CDK17: variants seen among roughly 807,000 people sequenced by gnomAD.
CDK17 encodes the protein cyclin dependent kinase 17.
In CDK17, 24 loss-of-function variants were observed where a neutral mutation model predicts 77.6. The observed-to-expected ratio is 0.31, with a 90% CI of 0.22 to 0.44. CDK17 has a LOEUF of 0.44. CDK17 is among the 20% of genes least tolerant of loss of function. CDK17 has a pLI of 1.00. For missense variants in CDK17, 429 were observed against 622.5 expected (o/e 0.69, Z 3.31); for synonymous variants, 203 against 210.4 (o/e 0.96, Z 0.30).
At chr12:96,365,889 T>A (rs1173229242) in intron 1 of CDK17, among the ~76,000 whole-genome samples, 2 of 152,172 alleles carry the variant, frequency 1.3e-5, no homozygotes, top group African/African-American at 4.8e-5. Context: ...AAAAAAAAGT[T>A]TTTATTTTTA....
intron 1 of CDK17, chr12:96,335,326 C>A (rs1292248208): frequency 5.0e-5 from 12 of 240,186 alleles, no homozygotes; most frequent in Non-Finnish European, 9.9e-5. Context: ...ACAGCTCCAA[C>A]AAGAAATTTT....
intron 2 of CDK17, among the ~76,000 whole-genome samples, chr12:96,329,242 G>A (rs1952934243): frequency 6.6e-6 from 1 of 152,076 alleles, no homozygotes. Flanking sequence ...AATGTAAATA[G>A]ACACGTATTT....
At position 96,315,542 on chromosome 12, in the gene CDK17, G is replaced by A. The variant is rs562632403; in HGVS notation, c.284-2088C>T. On this transcript the variant is annotated intron_variant, in intron 3 of 16. Transcript: ENST00000261211. ...TGGTATATAACACATCTAAGGTCCTGTATTCATTTCTGTCACACCTTCAAA... is the reference window on the plus strand; with the variant it reads ...TGGTATATAACACATCTAAGGTCCTATATTCATTTCTGTCACACCTTCAAA... Among the ~76,000 whole-genome samples the A allele has an allele frequency of 3.9e-5, 6 of 152,276 alleles. No homozygotes were observed. In the East Asian group the frequency reaches 1.2e-3, roughly 29 times the overall value.
chr12:96,316,654 C>A (rs1210437852), intron 3 of CDK17, among the ~76,000 whole-genome samples: 1 of 130,634 alleles, frequency 7.7e-6, no homozygotes, highest in Non-Finnish European at 1.6e-5. Flanking sequence ...GACCCCCTGA[C>A]CCCCGAGCAG....
chr12:96,286,423 C>A lies in CDK17; in HGVS notation c.1216+241G>T, dbSNP rs535719230. On this transcript the variant is annotated intron_variant, in intron 12 of 16. Transcript: ENST00000261211. ...ATATTCCTTAATAATATGGTGACAT[C>A]CAATTTTCCATACTAATTATGTTCT... 2.6e-5 allele frequency among the ~76,000 whole-genome samples: 4 copies of A among 151,992 alleles called. No homozygotes were observed. In the South Asian group the frequency reaches 8.3e-4, roughly 32 times the overall value.
intron 5 of CDK17, among the ~76,000 whole-genome samples, chr12:96,307,737 G>A (rs1490540726): frequency 6.6e-6 from 1 of 152,090 alleles, no homozygotes; most frequent in Non-Finnish European, 1.5e-5. Context: ...CAGGCATGGT[G>A]GCACATGCCT....
intron 15 of CDK17, among the ~76,000 whole-genome samples, 155 bp from the exon 16 acceptor site, chr12:96,281,040 T>C (rs1263518983): frequency 6.6e-6 from 1 of 152,160 alleles, no homozygotes; most frequent in Non-Finnish European, 1.5e-5. Flanking sequence ...TTTGTCCCAG[T>C]GTGTTGAGGA....
At chr12:96,386,973 T>C (rs1243884056) in intron 1 of CDK17, 1 of 278,188 alleles carries the variant, frequency 3.6e-6, no homozygotes, top group African/African-American at 2.3e-5. Context: ...AAGTAGTGTA[T>C]CCAGAGGTAA....
chr12:96,367,141 A>G (rs1474377527), intron 1 of CDK17, among the ~76,000 whole-genome samples: 3 of 151,680 alleles, frequency 2.0e-5, no homozygotes, highest in Non-Finnish European at 4.4e-5. Context: ...TGAGGAGTTC[A>G]AGACCAGCCT....
chr12:96,279,183 G>A lies in CDK17; in HGVS notation c.*1059C>T, dbSNP rs1952141861. On this transcript the variant is annotated 3_prime_UTR_variant, in exon 17 of 17. Transcript: ENST00000261211. Reference sequence around the variant, plus strand: ...TTAAAACTAATATTTAGTATCTCTGGTAAACAGATAATACCCACAATAATT... The same window carrying A: ...TTAAAACTAATATTTAGTATCTCTGATAAACAGATAATACCCACAATAATT... 1 of 152,138 alleles carries A rather than the reference G, an allele frequency of 6.6e-6. No homozygotes were observed. The highest frequency in any genetic ancestry group is 1.5e-5 in the Non-Finnish European group (1 of 67,982). The allele number at this position is 152,138 out of a possible 1,614,324, so 9.4% of individuals were successfully genotyped here.
chr12:96,372,069 G>C (rs1953704683), intron 1 of CDK17, among the ~76,000 whole-genome samples: 1 of 151,974 alleles, frequency 6.6e-6, no homozygotes, highest in African/African-American at 2.4e-5. Flanking sequence ...AGAGGCATCT[G>C]AACTGGACAA....
intron 1 of CDK17, among the ~76,000 whole-genome samples, chr12:96,354,378 C>T (rs1479758350): frequency 6.6e-6 from 1 of 152,220 alleles, no homozygotes; most frequent in Non-Finnish European, 1.5e-5. Flanking sequence ...TGTATCTCTA[C>T]TCCTTCAAAC....
intron 1 of CDK17, among the ~76,000 whole-genome samples, chr12:96,383,588 C>A (rs990315379): frequency 6.6e-6 from 1 of 152,044 alleles, no homozygotes; most frequent in African/African-American, 2.4e-5. Context: ...ACCAATGGAA[C>A]AGAATGGAGA....
intron 10 of CDK17, among the ~76,000 whole-genome samples, chr12:96,294,674 T>C (rs574140658): frequency 1.1e-4 from 17 of 151,776 alleles, no homozygotes; most frequent in African/African-American, 2.4e-4. Context: ...GGGACCATCA[T>C]TGCAAATATT....
At chr12:96,350,301 C>G (rs767303137) in intron 1 of CDK17, among the ~76,000 whole-genome samples, 2 of 151,182 alleles carry the variant, frequency 1.3e-5, no homozygotes, top group Non-Finnish European at 2.9e-5. Flanking sequence ...TATGATTATG[C>G]CACTGCACTC....
At chr12:96,313,857 T>C (rs1952674435) in intron 3 of CDK17, among the ~76,000 whole-genome samples, 1 of 147,916 alleles carries the variant, frequency 6.8e-6, no homozygotes, top group Non-Finnish European at 1.5e-5. Context: ...CATCTGCCTC[T>C]TATTTAGTAT....
chr12:96,345,035 G>T (rs1446760586), intron 1 of CDK17, among the ~76,000 whole-genome samples: 1 of 152,122 alleles, frequency 6.6e-6, no homozygotes, highest in Non-Finnish European at 1.5e-5. Context: ...GTTTCCATAT[G>T]TTCTCACTGT....
intron 3 of CDK17, among the ~76,000 whole-genome samples, chr12:96,316,622 C>T (rs1189635761): frequency 7.4e-6 from 1 of 134,658 alleles, no homozygotes; most frequent in Non-Finnish European, 1.6e-5. Context: ...AACGGGCAGA[C>T]TGCCTCCTCA....
chr12:96,319,554 A>G (rs1231498519), intron 3 of CDK17, among the ~76,000 whole-genome samples: 1 of 143,106 alleles, frequency 7.0e-6, no homozygotes, highest in African/African-American at 2.7e-5. Flanking sequence ...TCCTCAATAA[A>G]ATACTGGCAA....
Sources: allele counts gnomAD v4.1 joint callset (sites outside exome capture counted in the v4.1 genomes callset), GRCh38; gene constraint gnomAD v4.1.1; transcripts MANE v1.5; gene names NCBI Gene and HGNC (gene_info 2026-07-23, HGNC 2026-07-21).